DPYSL3: variants seen among roughly 807,000 people sequenced by gnomAD.
DPYSL3 encodes the protein dihydropyrimidinase like 3, also known as dihydropyrimidinase-related protein 3.
In DPYSL3, 16 loss-of-function variants were observed where a neutral mutation model predicts 66.1. The ratio of observed to expected loss-of-function variants is 0.24; its 90% CI spans 0.16 to 0.37. The LOEUF (loss-of-function observed/expected upper bound fraction) is 0.37, where lower values mean the gene tolerates loss of function less well. DPYSL3 is among the 10% of genes least tolerant of loss of function. The pLI is 1.00. For missense variants in DPYSL3, 738 were observed against 916.2 expected (o/e 0.81, Z 2.51); for synonymous variants, 338 against 345.1 (o/e 0.98, Z 0.23).
chr5:147,505,871 C>T (rs1461916031), intron 1 of DPYSL3, among the ~76,000 whole-genome samples: 1 of 152,108 alleles, frequency 6.6e-6, no homozygotes, highest in Non-Finnish European at 1.5e-5. Flanking sequence ...GGAGCTGACA[C>T]GACGGCCAGG....
chr5:147,435,674 T>C (rs1160212270), intron 1 of DPYSL3, among the ~76,000 whole-genome samples: 2 of 151,812 alleles, frequency 1.3e-5, no homozygotes, highest in East Asian at 1.9e-4. Flanking sequence ...CAGAGGCCCA[T>C]GCTGGAGATA....
intron 6 of DPYSL3, 34 bp from the exon 7 acceptor site, chr5:147,408,830 G>C: frequency 6.2e-7 from 1 of 1,610,726 alleles, no homozygotes; most frequent in South Asian, 1.1e-5. Context: ...TCTTCAATAA[G>C]CTCAAGTGAG....
intron 1 of DPYSL3, among the ~76,000 whole-genome samples, chr5:147,475,567 C>T (rs1753144622): frequency 6.6e-6 from 1 of 151,974 alleles, no homozygotes. Context: ...AAACAAATTG[C>T]TCAAAATGGA....
intron 1 of DPYSL3, among the ~76,000 whole-genome samples, chr5:147,506,372 CA>C (rs1753685557): frequency 6.6e-6 from 1 of 152,088 alleles, no homozygotes. Flanking sequence ...GCTTGAATGG[CA>C]GGGTGTTTGC....
At chr5:147,487,909 G>T (rs899139846) in intron 1 of DPYSL3, among the ~76,000 whole-genome samples, 3 of 152,090 alleles carry the variant, frequency 2.0e-5, no homozygotes, top group African/African-American at 7.2e-5. Context: ...AGTTCCCTTA[G>T]TGCACTACGA....
In DPYSL3 at chr5:147,390,942, A is replaced by T. The variant is rs1757780031; in HGVS notation, c.*3093T>A. On this transcript the variant is annotated 3_prime_UTR_variant, in exon 14 of 14. Transcript: ENST00000343218. ...AACCAAACAGCTCTTCACGTTCCAG[A>T]GCTGCCTCACAGCTAGCACAGATCA... 1 of 152,662 alleles carries T rather than the reference A, an allele frequency of 6.6e-6. No individual in the cohort carries two copies. Among genetic ancestry groups the T allele is most frequent in the Admixed American group, 6.5e-5 (1 of 15,280 alleles). 9.5% of individuals were successfully genotyped at this position (152,662 alleles called of 1,614,324 possible).
intron 1 of DPYSL3, among the ~76,000 whole-genome samples, chr5:147,475,378 GTC>G (rs908602461): frequency 3.2e-4 from 48 of 152,188 alleles, no homozygotes; most frequent in African/African-American, 1.0e-3. Flanking sequence ...TTTCTTGTGA[GTC>G]TGTAATCATT....
At chr5:147,453,941 T>C (rs1359328564) in intron 1 of DPYSL3, 8 of 327,368 alleles carry the variant, frequency 2.4e-5, no homozygotes, top group Non-Finnish European at 4.3e-5. Flanking sequence ...CCCTATTGAT[T>C]TTCCTCTTTG....
At chr5:147,496,636 A>G (rs2126453915) in intron 1 of DPYSL3, among the ~76,000 whole-genome samples, 3 of 152,310 alleles carry the variant, frequency 2.0e-5, no homozygotes, top group Middle Eastern at 6.8e-3. Flanking sequence ...GCAGCCAAAA[A>G]ACACATGAAA....
At chr5:147,412,009 T>C (rs1751864501) in intron 6 of DPYSL3, among the ~76,000 whole-genome samples, 1 of 152,198 alleles carries the variant, frequency 6.6e-6, no homozygotes, top group Non-Finnish European at 1.5e-5. Flanking sequence ...CATCTGTCCA[T>C]CTATTCCATT....
intron 8 of DPYSL3, among the ~76,000 whole-genome samples, chr5:147,402,286 T>C (rs1758204990): frequency 1.3e-5 from 2 of 152,052 alleles, no homozygotes; most frequent in Non-Finnish European, 2.9e-5. Flanking sequence ...ATTATAATGA[T>C]ATGCTTTGGT....
intron 1 of DPYSL3, among the ~76,000 whole-genome samples, chr5:147,470,453 C>T (rs1753069752): frequency 6.6e-6 from 1 of 152,078 alleles, no homozygotes; most frequent in Non-Finnish European, 1.5e-5. Context: ...CTGTCTGCTC[C>T]CTCTGTCTGG....
At position 147,415,769 on chromosome 5, in the gene DPYSL3, C is replaced by T; in HGVS notation, c.760G>A (p.Asp254Asn). The T allele has an allele frequency of 6.2e-7, 1 of 1,614,088 alleles. No homozygotes were observed. Among genetic ancestry groups the T allele is most frequent in the African/African-American group, 1.3e-5 (1 of 75,034 alleles). Reference protein sequence around the residue: ...KSCCDYALHVDITHWNDSVKQ... With the variant: ...KSCCDYALHVNITHWNDSVKQ... ...ACGCTGTCATTCCAGTGGGTGATGT[C>T]CACATGCAGGGCATAGTCACAGCAA... Residue 254 changes from aspartate to asparagine, a missense_variant, in exon 4 of 14, where the codon GAC becomes AAC. By Grantham distance (23) the Asp-to-Asn change is conservative. Coordinates refer to ENST00000343218, the MANE Select transcript of DPYSL3 (RefSeq NM_001197294.2).
chr5:147,432,286 G>C (rs935303429), intron 1 of DPYSL3, among the ~76,000 whole-genome samples: 1 of 152,170 alleles, frequency 6.6e-6, no homozygotes, highest in African/African-American at 2.4e-5. Context: ...ACAGACACAA[G>C]GTAGGAAAAA....
chr5:147,436,839 G>T (rs759986125), intron 1 of DPYSL3, among the ~76,000 whole-genome samples: 2 of 152,188 alleles, frequency 1.3e-5, no homozygotes, highest in Non-Finnish European at 2.9e-5. Flanking sequence ...CATGTCTACA[G>T]AGGACCCATT....
At chr5:147,406,944 T>C (rs770230810) in intron 7 of DPYSL3, among the ~76,000 whole-genome samples, 15 of 152,182 alleles carry the variant, frequency 9.9e-5, no homozygotes, top group South Asian at 2.1e-4. Flanking sequence ...CTGCACTTTA[T>C]TGCATGTGGA....
At chr5:147,467,408 TC>T (rs996339405) in intron 1 of DPYSL3, among the ~76,000 whole-genome samples, 6 of 152,050 alleles carry the variant, frequency 3.9e-5, no homozygotes, top group African/African-American at 1.4e-4. Context: ...GATTTTGAAG[TC>T]CCCATAGAAG....
At position 147,509,999 on chromosome 5, in the gene DPYSL3, G is replaced by A; in HGVS notation, c.-141C>T. On this transcript the variant is annotated 5_prime_UTR_variant, in exon 1 of 14. Coordinates refer to ENST00000343218, the MANE Select transcript of DPYSL3 (RefSeq NM_001197294.2). The surrounding 1 kb of genome is among the most constrained non-coding windows in gnomAD (Gnocchi z 5.3). ...GCGCCAGAGGCGGCAGTGCTGCTCC[G>A]ATTCCTGCTTGTCCCTAGCGAGCCA... The A allele has an allele frequency of 1.5e-6, 2 of 1,320,352 alleles. No individual in the cohort carries two copies. Among genetic ancestry groups the A allele is most frequent in the Non-Finnish European group, 2.0e-6 (2 of 1,000,566 alleles). The allele number at this position is 1,320,352 out of a possible 1,614,324, so 81.8% of individuals were successfully genotyped here.
At position 147,399,220 on chromosome 5, in the gene DPYSL3, C is replaced by T. The variant is rs1440577827; in HGVS notation, c.1485G>A (p.Val495=). The T allele has an allele frequency of 6.2e-7, 1 of 1,614,144 alleles. No individual in the cohort carries two copies. The highest frequency in any genetic ancestry group is 8.5e-7 in the Non-Finnish European group (1 of 1,180,010). Residue 495 remains valine, a synonymous_variant, in exon 11 of 14, where the codon GTG becomes GTA. Transcript: ENST00000343218. ...ATGKMDENQF[V]AVTSTNAAKI... is the part of the protein sequence containing the mutation. ...TGGCAGCGTTTGTGCTTGTCACAGC[C>T]ACGAACTGGTTTTCGTCCATTTTCC...
Sources: allele counts gnomAD v4.1 joint callset (sites outside exome capture counted in the v4.1 genomes callset), GRCh38; gene constraint gnomAD v4.1.1; non-coding constraint Gnocchi (gnomAD v3.1); transcripts MANE v1.5; gene names NCBI Gene and HGNC (gene_info 2026-07-23, HGNC 2026-07-21).